The following SEPTIN9 variants were observed in gnomAD, a reference collection of about 807,000 sequenced individuals.
The protein encoded by SEPTIN9 is septin 9.
A neutral mutation model predicts 56.6 loss-of-function variants in SEPTIN9; 13 were observed. That is an observed-to-expected ratio of 0.23 (90% CI 0.15 to 0.37). The LOEUF (loss-of-function observed/expected upper bound fraction) is 0.37. Among genes scored for constraint, SEPTIN9 ranks in the 10% least tolerant of loss-of-function variants. The pLI, the probability that SEPTIN9 is intolerant of heterozygous loss-of-function variation, is 1.00. For synonymous variants in SEPTIN9, 332 were observed against 334.1 expected (o/e 0.99, Z 0.07); for missense variants, 650 against 823.1 (o/e 0.79, Z 2.57).
chr17:77,300,139 C>T (rs1420456137), intron 1 of SEPTIN9, among the ~76,000 whole-genome samples: 2 of 152,072 alleles, frequency 1.3e-5, no homozygotes, highest in South Asian at 4.2e-4. Context: ...GTCTTTTCAC[C>T]CAGGTTGGAG....
chr17:77,328,088 C>A (rs995898262), intron 2 of SEPTIN9, among the ~76,000 whole-genome samples: 1 of 151,428 alleles, frequency 6.6e-6, no homozygotes, highest in African/African-American at 2.4e-5. Context: ...TCCAGAGCAT[C>A]CCCATGCCCA....
At chr17:77,377,683 A>C (rs1011950095) in intron 2 of SEPTIN9, among the ~76,000 whole-genome samples, 16 of 152,280 alleles carry the variant, frequency 1.1e-4, no homozygotes, top group African/African-American at 3.6e-4. Context: ...TTCTTGTCTG[A>C]GAGTCCCAAC....
intron 2 of SEPTIN9, among the ~76,000 whole-genome samples, chr17:77,401,413 T>G (rs543792500): frequency 6.6e-6 from 1 of 152,040 alleles, no homozygotes; most frequent in Non-Finnish European, 1.5e-5. Flanking sequence ...AGTGTGTGCC[T>G]TGGCTGGAGG....
At position 77,498,668 on chromosome 17, in the gene SEPTIN9, T is replaced by A; in HGVS notation, c.*10T>A. Reference sequence around the variant, plus strand: ...AGCCCCGGAGATGTAGACGCCACCCTGCCCACCCCCGGGATCCTGCCCCCA... The same window carrying A: ...AGCCCCGGAGATGTAGACGCCACCCAGCCCACCCCCGGGATCCTGCCCCCA... On this transcript the variant is annotated 3_prime_UTR_variant, in exon 12 of 12. Transcript: ENST00000427177. 3 of 1,561,466 alleles carry A rather than the reference T, an allele frequency of 1.9e-6. No homozygotes were observed. Among genetic ancestry groups the A allele is most frequent in the Non-Finnish European group, 2.6e-6 (3 of 1,151,328 alleles).
chr17:77,396,357 G>C (rs1440038059), intron 2 of SEPTIN9, among the ~76,000 whole-genome samples: 1 of 152,238 alleles, frequency 6.6e-6, no homozygotes, highest in Non-Finnish European at 1.5e-5. Context: ...AATCTGCCCA[G>C]TTGGGCCTGT....
intron 2 of SEPTIN9, among the ~76,000 whole-genome samples, chr17:77,314,180 A>AAT (rs1555645045): frequency 4.2e-5 from 6 of 142,832 alleles, no homozygotes; most frequent in African/African-American, 1.0e-4. Context: ...AAAAAAAAAA[A>AAT]TTTTTTTTTT....
At chr17:77,347,096 A>C (rs1422340954) in intron 2 of SEPTIN9, among the ~76,000 whole-genome samples, 2 of 152,022 alleles carry the variant, frequency 1.3e-5, no homozygotes, top group Non-Finnish European at 2.9e-5. Context: ...CCAACTATGC[A>C]TCCAGGCGCA....
At chr17:77,466,687 T>A in intron 3 of SEPTIN9, 1 of 492,348 alleles carries the variant, frequency 2.0e-6, no homozygotes, top group Non-Finnish European at 2.6e-6. Flanking sequence ...GGGGGCTCCC[T>A]CATTTAACCA....
intron 2 of SEPTIN9, among the ~76,000 whole-genome samples, chr17:77,358,645 TAATA>T (rs1189062085): frequency 2.0e-5 from 3 of 152,036 alleles, no homozygotes; most frequent in African/African-American, 4.8e-5. Context: ...GTCTCAAAAA[TAATA>T]AATAAATAAA....
chr17:77,373,259 A>C (rs1482360524), intron 2 of SEPTIN9: 1 of 1,142,764 alleles, frequency 8.8e-7, no homozygotes, highest in Admixed American at 4.9e-5. Context: ...CGGGTGCGGG[A>C]ACCTGATCCG....
At chr17:77,368,355 AG>A (rs1362805138) in intron 2 of SEPTIN9, among the ~76,000 whole-genome samples, 1 of 146,930 alleles carries the variant, frequency 6.8e-6, no homozygotes, top group Non-Finnish European at 1.5e-5. Context: ...TCTGTCGCCC[AG>A]GCTGGAGTGC....
At chr17:77,370,611 T>C (rs536111190) in intron 2 of SEPTIN9, among the ~76,000 whole-genome samples, 13 of 152,348 alleles carry the variant, frequency 8.5e-5, no homozygotes, top group Non-Finnish European at 1.6e-4. Flanking sequence ...CGGTCTTGCC[T>C]TCTTTTGTGA....
chr17:77,491,410 C>G (rs1222860723), intron 8 of SEPTIN9, among the ~76,000 whole-genome samples: 1 of 151,970 alleles, frequency 6.6e-6, no homozygotes, highest in Non-Finnish European at 1.5e-5. Context: ...GTTGCCCAGG[C>G]TGGTCTCTAA....
chr17:77,484,580 A>ATGG lies in SEPTIN9; in HGVS notation c.913+2247_913+2248insGTG, dbSNP rs2039610829. ...GATGGTGATTGTGGTGATGGTGGTT[A>ATGG]TGATGGTGGTAATTGTGATGGTGGT... On this transcript the variant is annotated intron_variant, in intron 4 of 11. Transcript: ENST00000427177. 1.0e-4 allele frequency among the ~76,000 whole-genome samples: 11 copies of ATGG among 106,430 alleles called. 1 individual carries two copies. The highest frequency in any genetic ancestry group is 2.0e-4 in the African/African-American group (5 of 25,288). The allele number at this position is 106,430 out of a possible 152,430, so 69.8% of individuals were successfully genotyped here.
chr17:77,493,519 T>C (rs2040124456), intron 10 of SEPTIN9, among the ~76,000 whole-genome samples: 1 of 152,168 alleles, frequency 6.6e-6, no homozygotes, highest in Admixed American at 6.5e-5. Flanking sequence ...GTGGCTGTTG[T>C]AACCAATTAG....
chr17:77,434,363 C>T lies in SEPTIN9; in HGVS notation c.721+31660C>T, dbSNP rs1331938021. Among the ~76,000 whole-genome samples the T allele has an allele frequency of 1.3e-5, 2 of 152,220 alleles. No homozygotes were observed. Among genetic ancestry groups the T allele is most frequent in the African/African-American group, 2.4e-5 (1 of 41,454 alleles). ...TTGGTAGGGTGGCCTGCCCGGCGTC[C>T]GCACAGGGTCTGCTGGTGGGTGGCT... is the stretch of plus-strand genomic sequence containing the variant. On this transcript the variant is annotated intron_variant, in intron 3 of 11. Coordinates refer to ENST00000427177, the MANE Select transcript of SEPTIN9 (RefSeq NM_001113491.2). This position sits in a 1 kb window ranked among gnomAD's most constrained non-coding sequence, Gnocchi z 5.0.
chr17:77,293,206 A>G (rs1174893166), intron 1 of SEPTIN9, among the ~76,000 whole-genome samples: 3 of 151,938 alleles, frequency 2.0e-5, no homozygotes, highest in African/African-American at 7.3e-5. Context: ...TTTTGTAGAG[A>G]CAGGGTCTTG....
In SEPTIN9 at chr17:77,302,812, G is replaced by GGC. The variant is rs544952901; in HGVS notation, c.20-4328_20-4327dup. Among the ~76,000 whole-genome samples the GGC allele has an allele frequency of 6.0e-4, 91 of 152,246 alleles. No homozygotes were observed. The East Asian group carries it at 0.012, about 20-fold the overall frequency. ...GGGCAAAAGAGCAGGGAGGGCACTG[G>GGC]GCAGTTGACCTGGTCTCCACTACTG... On this transcript the variant is annotated intron_variant, in intron 1 of 11. Transcript: ENST00000427177.
intron 2 of SEPTIN9, among the ~76,000 whole-genome samples, chr17:77,372,381 C>T (rs1004757305): frequency 6.6e-6 from 1 of 151,526 alleles, no homozygotes; most frequent in Non-Finnish European, 1.5e-5. Flanking sequence ...GCCCCTCGGC[C>T]CTGCCTGCCT....
Sources: allele counts gnomAD v4.1 joint callset (sites outside exome capture counted in the v4.1 genomes callset), GRCh38; gene constraint gnomAD v4.1.1; non-coding constraint Gnocchi (gnomAD v3.1); transcripts MANE v1.5; gene names NCBI Gene and HGNC (gene_info 2026-07-23, HGNC 2026-07-21).